The following FANCA variants were observed in gnomAD, a reference collection of about 807,000 sequenced individuals.
FANCA encodes the protein FA complementation group A.
A neutral mutation model predicts 194.3 loss-of-function variants in FANCA; 236 were observed. That is an observed-to-expected ratio of 1.21 (90% confidence interval 1.09 to 1.35). The LOEUF (loss-of-function observed/expected upper bound fraction) is 1.35. Among genes scored for constraint, FANCA ranks in the 40% most tolerant of loss-of-function variants. The pLI, the probability that FANCA is intolerant of heterozygous loss-of-function variation, is 0.00. For synonymous variants in FANCA, 1,014 were observed against 715.8 expected (o/e 1.42, Z -6.65); for missense variants, 2,628 against 1,813.9 (o/e 1.45, Z -8.15).
intron 30 of FANCA, among the ~76,000 whole-genome samples, chr16:89,756,823 C>G (rs958814367): frequency 6.6e-6 from 1 of 152,136 alleles, no homozygotes; most frequent in Non-Finnish European, 1.5e-5. Flanking sequence ...GACTTACAGA[C>G]AGAAACCATG....
In FANCA at chr16:89,767,153, G is replaced by GCC. The variant is rs1567616135; in HGVS notation, c.2587_2588dup (p.Leu864AlafsTer26). 4.3e-6 allele frequency: 7 copies of GCC among 1,611,216 alleles called. No homozygotes were observed. The highest frequency in any genetic ancestry group is 5.9e-6 in the Non-Finnish European group (7 of 1,177,404). On this transcript the variant is annotated frameshift_variant, in exon 27 of 43. Transcript: ENST00000389301. LOFTEE classifies it high-confidence loss of function. Reference sequence around the variant, plus strand: ...AGAGTGAACCTACCTTTTTAATAAGGCCTGGAGATAAGCAGCTGCACAAAG... The same window carrying GCC: ...AGAGTGAACCTACCTTTTTAATAAGGCCCCTGGAGATAAGCAGCTGCACAAAG...
intron 28 of FANCA, chr16:89,762,651 T>C: frequency 6.5e-6 from 2 of 306,852 alleles, no homozygotes; most frequent in South Asian, 5.0e-5. Context: ...CATTTATTTT[T>C]GGAAACAGGT....
rs775512285 is a variant in FANCA at position 89,742,786 on chromosome 16, A to T, written c.3765+14T>A. 1.9e-6 allele frequency: 3 copies of T among 1,613,696 alleles called. No individual in the cohort carries two copies. Among genetic ancestry groups the T allele is most frequent in the African/African-American group, 2.7e-5 (2 of 74,890 alleles). On this transcript the variant is annotated intron_variant, in intron 37 of 42. Coordinates refer to ENST00000389301, the MANE Select transcript of FANCA (RefSeq NM_000135.4). ...TGCGAGAAAATAAATCAGTAAAAGA[A>T]TTTCCTATCTTGCCTCCTCTCTCTC...
At chr16:89,797,537 G>A (rs1386502495) in intron 10 of FANCA, among the ~76,000 whole-genome samples, 1 of 152,126 alleles carries the variant, frequency 6.6e-6, no homozygotes, top group Non-Finnish European at 1.5e-5. Context: ...AGCCCCCAGT[G>A]TGCAAGGGAA....
chr16:89,783,858 G>C (rs2039807185), intron 15 of FANCA, among the ~76,000 whole-genome samples: 1 of 151,996 alleles, frequency 6.6e-6, no homozygotes, highest in South Asian at 2.1e-4. Flanking sequence ...CCGCCTCCCG[G>C]GTTCAAGCAA....
intron 5 of FANCA, among the ~76,000 whole-genome samples, chr16:89,809,243 T>C (rs765436873): frequency 6.6e-6 from 1 of 151,972 alleles, no homozygotes; most frequent in Non-Finnish European, 1.5e-5. Flanking sequence ...CAGGAAGGCT[T>C]TCCTAACTCT....
chr16:89,815,518 G>A (rs1422331013), intron 2 of FANCA, among the ~76,000 whole-genome samples: 1 of 151,672 alleles, frequency 6.6e-6, no homozygotes, highest in Non-Finnish European at 1.5e-5. Context: ...ACCACACCCA[G>A]CTAATTTTTG....
chr16:89,747,943 C>T (rs755461264), intron 33 of FANCA, among the ~76,000 whole-genome samples: 10 of 152,104 alleles, frequency 6.6e-5, no homozygotes, highest in Non-Finnish European at 1.0e-4. Context: ...ACAAGAGTTT[C>T]GCTCTGTCAC....
chr16:89,742,651 T>TAAAAAAAAAAAAAAAAAAAAA (rs2062163433), intron 37 of FANCA, 149 bp downstream of exon 37: 1 of 556,994 alleles, frequency 1.8e-6, no homozygotes, highest in East Asian at 4.7e-5. Flanking sequence ...CTACTAAAAA[T>TAAAAAAAAAAAAAAAAAAAAA]ACAAAAAAAA....
intron 37 of FANCA, among the ~76,000 whole-genome samples, chr16:89,741,286 G>A (rs1355362753): frequency 6.6e-6 from 1 of 152,192 alleles, no homozygotes; most frequent in East Asian, 1.9e-4. Flanking sequence ...ACTCCTCGCT[G>A]CACACTAGGG....
intron 14 of FANCA, 86 bp downstream of exon 14, chr16:89,791,317 G>A: frequency 1.3e-6 from 2 of 1,542,820 alleles, no homozygotes; most frequent in Non-Finnish European, 1.8e-6. Context: ...TCACATGACA[G>A]AGAATCAGGT....
At chr16:89,809,107 C>T (rs530282862) in intron 5 of FANCA, among the ~76,000 whole-genome samples, 23 of 152,026 alleles carry the variant, frequency 1.5e-4, no homozygotes, top group Middle Eastern at 6.8e-3. Context: ...GGGGTTTCAC[C>T]GTGTTAGCCA....
At chr16:89,810,513 G>A in intron 5 of FANCA, 194 bp downstream of exon 5, 1 of 601,220 alleles carries the variant, frequency 1.7e-6, no homozygotes, top group East Asian at 2.9e-5. Flanking sequence ...AGGTGAATAG[G>A]GACAAAAAAT....
rs369548513 is a variant in FANCA at position 89,808,288 on chromosome 16, C to A, written c.596+6G>T. On this transcript the variant is annotated splice_donor_region_variant and intron_variant, in intron 6 of 42. Coordinates refer to ENST00000389301, the MANE Select transcript of FANCA (RefSeq NM_000135.4). Reference sequence around the variant, plus strand: ...CAGTAACACTGAATCATCATTAGCACGCTACCTTTCCAGCAGCTCTTGCAG... The same window carrying A: ...CAGTAACACTGAATCATCATTAGCAAGCTACCTTTCCAGCAGCTCTTGCAG... 1 of 1,613,436 alleles carries A rather than the reference C, an allele frequency of 6.2e-7. No individual in the cohort carries two copies. Among genetic ancestry groups the A allele is most frequent in the Non-Finnish European group, 8.5e-7 (1 of 1,179,390 alleles).
intron 26 of FANCA, 160 bp downstream of exon 26, chr16:89,769,677 A>G: frequency 1.3e-6 from 1 of 777,536 alleles, no homozygotes; most frequent in East Asian, 2.7e-5. Flanking sequence ...TTATAAACAA[A>G]TGACAGATAA....
intron 15 of FANCA, 88 bp from the exon 16 acceptor site, chr16:89,783,190 G>A (rs1392890353): frequency 2.2e-6 from 2 of 924,620 alleles, no homozygotes; most frequent in Non-Finnish European, 3.5e-6. Flanking sequence ...AACATCCACA[G>A]TGCTGAGTAG....
intron 7 of FANCA, among the ~76,000 whole-genome samples, chr16:89,803,625 T>C (rs1280795514): frequency 2.5e-5 from 2 of 81,010 alleles, no homozygotes; most frequent in Non-Finnish European, 4.0e-5. Flanking sequence ...GATTTTTTTC[T>C]TTTTTTTTTT....
chr16:89,765,904 T>G (rs907817510), intron 27 of FANCA, among the ~76,000 whole-genome samples: 2 of 152,224 alleles, frequency 1.3e-5, no homozygotes, highest in Non-Finnish European at 2.9e-5. Context: ...AGATTCTGAC[T>G]TAATTTATCT....
chr16:89,756,987 T>C (rs2038788671), intron 30 of FANCA, among the ~76,000 whole-genome samples: 1 of 152,158 alleles, frequency 6.6e-6, no homozygotes, highest in African/African-American at 2.4e-5. Context: ...AAGATTTGCT[T>C]TTTTGTTTTG....
Sources: allele counts gnomAD v4.1 joint callset (sites outside exome capture counted in the v4.1 genomes callset), GRCh38; gene constraint gnomAD v4.1.1; transcripts MANE v1.5; gene names NCBI Gene and HGNC (gene_info 2026-07-23, HGNC 2026-07-21).